Variants in POC1B observed in about 807,000 individuals in gnomAD.
POC1B encodes the protein POC1 centriolar protein B, also known as POC1 centriolar protein homolog B.
POC1B carries 44 observed loss-of-function variants against 60.6 expected under a neutral mutation model. The ratio of observed to expected loss-of-function variants is 0.73; its 90% CI spans 0.57 to 0.93. POC1B has a LOEUF of 0.93. Ranked by LOEUF, POC1B falls within the 40% of genes least tolerant of loss-of-function variation. The probability of loss-of-function intolerance (pLI) is 0.00; values close to 1 mark genes in which losing one functional copy is unlikely to be tolerated. For synonymous variants in POC1B, 180 were observed against 198.9 expected, an observed-to-expected ratio of 0.90 and a Z score of 0.80; for missense variants, 555 against 572.3, an observed-to-expected ratio of 0.97 and a Z score of 0.31.
intron 10 of POC1B, among the ~76,000 whole-genome samples, chr12:89,441,123 G>A (rs1196127138): frequency 1.3e-5 from 2 of 152,224 alleles, no homozygotes; most frequent in Non-Finnish European, 2.9e-5. Flanking sequence ...CAGGAAGCTC[G>A]AACAGGGTGG....
chr12:89,472,103 T>A, intron 5 of POC1B, 65 bp downstream of exon 5: 2 of 1,068,290 alleles, frequency 1.9e-6, no homozygotes, highest in Non-Finnish European at 2.8e-6. Flanking sequence ...TTTATTTAAA[T>A]TGTTATAATC....
chr12:89,442,951 C>A lies in POC1B; in HGVS notation c.1113+16687G>T, dbSNP rs189736860. Among the ~76,000 whole-genome samples, 417 of 152,120 alleles carry A rather than the reference C, an allele frequency of 2.7e-3. 2 individuals carry two copies. The highest frequency in any genetic ancestry group is 8.3e-3 in the African/African-American group (345 of 41,516). ...AAACAAAAAAAAGCAGGGGTTGCAA[C>A]CTTAGTCTCTGATAAAACAGACTTT... is the stretch of plus-strand genomic sequence containing the variant. On this transcript the variant is annotated intron_variant, in intron 10 of 11. Coordinates refer to ENST00000313546, the MANE Select transcript of POC1B (RefSeq NM_172240.3).
intron 2 of POC1B, chr12:89,523,215 A>G (rs755013418): frequency 6.2e-7 from 1 of 1,614,050 alleles, no homozygotes; most frequent in Admixed American, 1.7e-5. Flanking sequence ...GAATAGCCCC[A>G]TGCCAGCCTG....
At chr12:89,523,959 G>C in intron 2 of POC1B, 1 of 1,613,776 alleles carries the variant, frequency 6.2e-7, no homozygotes, top group African/African-American at 1.3e-5. Flanking sequence ...TCCTAATCAA[G>C]CGTACTCTAT....
intron 2 of POC1B, chr12:89,501,520 G>T: frequency 9.7e-7 from 1 of 1,026,888 alleles, no homozygotes; most frequent in Non-Finnish European, 1.4e-6. Flanking sequence ...AAATGATTGT[G>T]CTTCCAAAAT....
At chr12:89,449,275 T>G (rs956853537) in intron 10 of POC1B, among the ~76,000 whole-genome samples, 18 of 152,170 alleles carry the variant, frequency 1.2e-4, no homozygotes, top group Admixed American at 9.2e-4. Flanking sequence ...AATGTGAGAA[T>G]CTACATGCAT....
intron 10 of POC1B, among the ~76,000 whole-genome samples, chr12:89,433,117 C>T (rs1881107288): frequency 6.6e-6 from 1 of 152,092 alleles, no homozygotes; most frequent in Non-Finnish European, 1.5e-5. Flanking sequence ...TTGGATAGCA[C>T]TCAGAAGAAT....
intron 2 of POC1B, among the ~76,000 whole-genome samples, chr12:89,499,571 T>C (rs10858883): frequency 0.5 from 75,609 of 151,728 alleles, 18,986 homozygotes; most frequent in East Asian, 0.58. Flanking sequence ...GCAGGGGCAA[T>C]CTCATGATCT....
At chr12:89,430,372 A>C (rs555349227) in intron 10 of POC1B, among the ~76,000 whole-genome samples, 12 of 152,324 alleles carry the variant, frequency 7.9e-5, no homozygotes, top group Non-Finnish European at 1.5e-4. Flanking sequence ...AGGATGAATT[A>C]TTTTAATGCA....
intron 9 of POC1B, among the ~76,000 whole-genome samples, chr12:89,464,069 A>C (rs1882581374): frequency 1.3e-5 from 2 of 152,218 alleles, no homozygotes; most frequent in African/African-American, 4.8e-5. Context: ...CAAACAGAGA[A>C]AGAAAAATTC....
intron 2 of POC1B, chr12:89,501,398 A>G (rs1869560674): frequency 3.0e-6 from 3 of 1,000,756 alleles, no homozygotes; most frequent in Non-Finnish European, 3.2e-6. Flanking sequence ...CCAGCTGAAG[A>G]ACAGCTCGAT....
chr12:89,516,306 G>A (rs766490963), intron 2 of POC1B, among the ~76,000 whole-genome samples: 8 of 151,990 alleles, frequency 5.3e-5, no homozygotes, highest in Non-Finnish European at 1.0e-4. Flanking sequence ...TCAGACATGG[G>A]GTATTTGTTC....
In POC1B at chr12:89,486,911, A is replaced by G. The variant is rs540861112; in HGVS notation, c.452+5025T>C. Among the ~76,000 whole-genome samples, 6 of 151,966 alleles carry G rather than the reference A, an allele frequency of 3.9e-5. No homozygotes were observed. The South Asian group carries it at 1.2e-3, about 32-fold the overall frequency. The stretch of plus-strand genomic sequence containing the variant: ...TTCTCTCTCTCTCTCTCTCACACAC[A>G]CACAGACACACACACACACACAGAC... On this transcript the variant is annotated intron_variant, in intron 4 of 11. Coordinates refer to ENST00000313546, the MANE Select transcript of POC1B (RefSeq NM_172240.3).
chr12:89,493,930 T>C (rs191695425), intron 3 of POC1B, among the ~76,000 whole-genome samples: 12 of 152,310 alleles, frequency 7.9e-5, no homozygotes, highest in Admixed American at 5.2e-4. Context: ...TAATATAGGC[T>C]CTCTCCTTCC....
At chr12:89,418,165 G>C (rs1880397217), downstream of POC1B, among the ~76,000 whole-genome samples, 1 of 152,134 alleles carries the variant, frequency 6.6e-6, no homozygotes, top group South Asian at 2.1e-4. Context: ...TTCTGAACAG[G>C]TACCAGGTGA....
intron 2 of POC1B, chr12:89,524,209 C>T (rs755544514): frequency 1.0e-4 from 163 of 1,613,762 alleles, no homozygotes; most frequent in South Asian, 4.9e-4. Flanking sequence ...CTCTATGTGT[C>T]GATGCAGGGA....
intron 6 of POC1B, 35 bp downstream of exon 6, chr12:89,471,579 T>C: frequency 6.6e-7 from 1 of 1,504,068 alleles, no homozygotes; most frequent in Non-Finnish European, 9.2e-7. Context: ...AGGAGTCCAT[T>C]CGGTAACTGA....
At chr12:89,411,786 T>C in the POC1B span, among the ~76,000 whole-genome samples, 1 of 152,202 alleles carries the variant, frequency 6.6e-6, no homozygotes, top group Non-Finnish European at 1.5e-5. Context: ...AGAAGGGGGA[T>C]TTAACAACTT....
intron 11 of POC1B, among the ~76,000 whole-genome samples, chr12:89,421,609 A>G (rs1018838043): frequency 7.9e-5 from 12 of 152,124 alleles, no homozygotes; most frequent in African/African-American, 2.9e-4. Flanking sequence ...CTTAGTGGAG[A>G]AGGGGAGGGG....
Sources: allele counts gnomAD v4.1 joint callset (sites outside exome capture counted in the v4.1 genomes callset), GRCh38; gene constraint gnomAD v4.1.1; transcripts MANE v1.5; gene names NCBI Gene and HGNC (gene_info 2026-07-23, HGNC 2026-07-21).